The following CFAP58 variants were observed in gnomAD, a reference collection of about 807,000 sequenced individuals.
CFAP58 encodes the protein cilia and flagella associated protein 58.
Under a neutral mutation model 119.5 loss-of-function variants are expected in CFAP58, and 88 were observed. The ratio of observed to expected loss-of-function variants is 0.74; its 90% CI spans 0.62 to 0.88. CFAP58 has a LOEUF of 0.88. Ranked by LOEUF, CFAP58 falls within the 40% of genes least tolerant of loss-of-function variation. The probability of loss-of-function intolerance (pLI) is 0.00; values close to 1 mark genes in which losing one functional copy is unlikely to be tolerated. For synonymous variants in CFAP58, 365 were observed against 366.3 expected (o/e 1.00, Z 0.04); for missense variants, 990 against 1,021.2 (o/e 0.97, Z 0.42).
Position 104,358,484 on chromosome 10 carries a change from A to G in CFAP58, c.153A>G (p.Lys51=), listed in dbSNP as rs768406496. The part of the protein sequence containing the change: ...IEYERLHAVM[K]KSYDNEKRLM... ...ATGAGAGGCTTCATGCTGTCATGAA[A>G]AAGTCTTATGACAATGAAAAGCGTC... Residue 51 remains lysine (K), a synonymous_variant, in exon 2 of 18, where the codon AAA becomes AAG. Transcript: ENST00000369704. The G allele has an allele frequency of 2.8e-5, 45 of 1,614,128 alleles. No individual in the cohort carries two copies. Among genetic ancestry groups the G allele is most frequent in the Non-Finnish European group, 3.5e-5 (41 of 1,180,032 alleles).
Position 104,362,114 on chromosome 10 carries a change from T to C in CFAP58, c.383T>C (p.Val128Ala), listed in dbSNP as rs202201011. 109 of 1,613,980 alleles carry C rather than the reference T, an allele frequency of 6.8e-5. No homozygotes were observed. Among genetic ancestry groups the C allele is most frequent in the Non-Finnish European group, 8.2e-5 (97 of 1,179,998 alleles). ...ATTCTTGCTCTGAAAGAGGAAATAGTGAACCTGACCAAACTAGTGGAGCAG... is the reference window on the plus strand; with the variant it reads ...ATTCTTGCTCTGAAAGAGGAAATAGCGAACCTGACCAAACTAGTGGAGCAG... ...ETILALKEEI[V>A]NLTKLVEQGS... is the part of the protein sequence containing the mutation. The change falls in exon 3 of 18, where the codon GTG becomes GCG. Residue 128 changes from valine to alanine, a missense_variant. Transcript: ENST00000369704.
intron 16 of CFAP58, 83 bp from the exon 17 acceptor site, chr10:104,449,988 T>C: frequency 1.5e-6 from 2 of 1,370,728 alleles, no homozygotes; most frequent in Middle Eastern, 2.6e-4. Context: ...CTAGCTCCAC[T>C]GCGGTAAATG....
chr10:104,371,163 C>T (rs1408102048), intron 7 of CFAP58, 109 bp downstream of exon 7: 2 of 1,081,458 alleles, frequency 1.8e-6, no homozygotes, highest in African/African-American at 1.6e-5. Context: ...CAAATGAAAT[C>T]AGTAAAACAA....
At chr10:104,420,994 C>A (rs1029497020) in intron 15 of CFAP58, among the ~76,000 whole-genome samples, 51 of 152,094 alleles carry the variant, frequency 3.4e-4, no homozygotes, top group African/African-American at 1.2e-3. Flanking sequence ...CTCAAGTGAT[C>A]CACCAACCTT....
intron 9 of CFAP58, chr10:104,382,205 C>T (rs1034932049): frequency 2.8e-6 from 2 of 717,198 alleles, no homozygotes; most frequent in African/African-American, 3.5e-5. Flanking sequence ...TTCTGAGCCT[C>T]TGCTGACAAG....
At position 104,413,774 on chromosome 10, in the gene CFAP58, AT is replaced by A. The variant is rs566775884; in HGVS notation, c.2256+6982del. On this transcript the variant is annotated intron_variant, in intron 15 of 17. Transcript: ENST00000369704. ...CAAGATGGCATTTCTAATAATGGGC[AT>A]AAGGCATGATAGCATTGGCATCATC... is the stretch of plus-strand genomic sequence containing the variant. 1.6e-3 allele frequency among the ~76,000 whole-genome samples: 251 copies of A among 152,202 alleles called. 1 individual carries two copies. The highest frequency in any genetic ancestry group is 5.7e-3 in the African/African-American group (238 of 41,504).
intron 12 of CFAP58, 37 bp downstream of exon 12, chr10:104,399,537 A>T: frequency 6.2e-7 from 1 of 1,604,682 alleles, no homozygotes; most frequent in South Asian, 1.1e-5. Context: ...AGACCTTGTC[A>T]ACAGACACGG....
intron 11 of CFAP58, among the ~76,000 whole-genome samples, chr10:104,395,303 T>C (rs879284632): frequency 6.6e-6 from 1 of 152,224 alleles, no homozygotes; most frequent in Admixed American, 6.5e-5. Context: ...CCAGCAGATT[T>C]GGCAGCTGGT....
chr10:104,358,527 G>C lies in CFAP58; in HGVS notation c.196G>C (p.Glu66Gln). 6.2e-7 allele frequency: 1 copy of C among 1,614,136 alleles called. No individual in the cohort carries two copies. Among genetic ancestry groups the C allele is most frequent in the Non-Finnish European group, 8.5e-7 (1 of 1,180,016 alleles). The change falls in exon 2 of 18, where the codon GAG (glutamate) becomes CAG (glutamine). Residue 66 changes from glutamate to glutamine, a missense_variant. Coordinates refer to ENST00000369704, the MANE Select transcript of CFAP58 (RefSeq NM_001008723.2). ...AAAGCGTCTGATGGCCAAATGCAGAGAGCTAAATGCAGAGATTGTAGTGAA... is the reference window on the plus strand; with the variant it reads ...AAAGCGTCTGATGGCCAAATGCAGACAGCTAAATGCAGAGATTGTAGTGAA... Reference protein sequence around the residue: ...NEKRLMAKCRELNAEIVVNSA... With the variant: ...NEKRLMAKCRQLNAEIVVNSA...
At chr10:104,430,150 C>T (rs142178145) in intron 15 of CFAP58, among the ~76,000 whole-genome samples, 1 of 152,268 alleles carries the variant, frequency 6.6e-6, no homozygotes, top group African/African-American at 2.4e-5. Context: ...ATCCCCTTCA[C>T]AATAGTTAAA....
intron 17 of CFAP58, among the ~76,000 whole-genome samples, chr10:104,452,340 T>C (rs942364676): frequency 6.6e-6 from 1 of 152,178 alleles, no homozygotes; most frequent in Admixed American, 6.5e-5. Context: ...CTACCCACAA[T>C]GGATCATCTC....
At chr10:104,382,466 T>A (rs2011830863) in intron 9 of CFAP58, 2 of 421,998 alleles carry the variant, frequency 4.7e-6, no homozygotes, top group African/African-American at 3.9e-5. Flanking sequence ...CAGTGTGGTT[T>A]TATTATTACT....
At chr10:104,359,019 T>A (rs189286577) in intron 2 of CFAP58, among the ~76,000 whole-genome samples, 1 of 152,356 alleles carries the variant, frequency 6.6e-6, no homozygotes, top group African/African-American at 2.4e-5. Flanking sequence ...AAGATTGCCT[T>A]GAGAATTCCC....
intron 15 of CFAP58, among the ~76,000 whole-genome samples, chr10:104,435,019 G>A (rs559198320): frequency 6.6e-6 from 1 of 152,296 alleles, no homozygotes; most frequent in Non-Finnish European, 1.5e-5. Flanking sequence ...AAAGTGACTG[G>A]CATATAATAG....
At chr10:104,435,845 T>G (rs1227250097) in intron 15 of CFAP58, among the ~76,000 whole-genome samples, 1 of 152,230 alleles carries the variant, frequency 6.6e-6, no homozygotes, top group African/African-American at 2.4e-5. Flanking sequence ...TAAAACTTAT[T>G]TGTCAAAAGG....
At chr10:104,446,465 T>C (rs924437466) in intron 15 of CFAP58, among the ~76,000 whole-genome samples, 2 of 152,236 alleles carry the variant, frequency 1.3e-5, no homozygotes, top group African/African-American at 4.8e-5. Context: ...CTGAAACAAA[T>C]GGTAACAATG....
At chr10:104,400,461 T>A (rs912305229) in intron 12 of CFAP58, among the ~76,000 whole-genome samples, 2 of 152,196 alleles carry the variant, frequency 1.3e-5, no homozygotes, top group African/African-American at 4.8e-5. Context: ...ACTACTATTA[T>A]TAATATTATT....
At chr10:104,368,294 A>C (rs991763106) in intron 5 of CFAP58, 129 bp from the exon 6 acceptor site, 4 of 785,426 alleles carry the variant, frequency 5.1e-6, no homozygotes, top group Non-Finnish European at 7.9e-6. Flanking sequence ...AATAAAGAAC[A>C]ATTTCTACAA....
intron 3 of CFAP58, among the ~76,000 whole-genome samples, chr10:104,362,669 C>G (rs1256548672): frequency 6.6e-6 from 1 of 152,208 alleles, no homozygotes; most frequent in East Asian, 1.9e-4. Flanking sequence ...ACCAGTGCTA[C>G]TGCCTTGGTT....
Sources: allele counts gnomAD v4.1 joint callset (sites outside exome capture counted in the v4.1 genomes callset), GRCh38; gene constraint gnomAD v4.1.1; transcripts MANE v1.5; gene names NCBI Gene and HGNC (gene_info 2026-07-23, HGNC 2026-07-21).